Variants in ELFN2 observed in about 807,000 individuals in gnomAD.
The protein encoded by ELFN2 is protein phosphatase 1 regulatory subunit 29.
In ELFN2, 17 loss-of-function variants were observed where a neutral mutation model predicts 45.5. That is an observed-to-expected ratio of 0.37 (90% CI 0.26 to 0.56). The LOEUF (loss-of-function observed/expected upper bound fraction) is 0.56. Ranked by LOEUF, ELFN2 falls within the 20% of genes least tolerant of loss-of-function variation. The pLI is 0.77. For synonymous variants in ELFN2, 550 were observed against 551.5 expected (o/e 1.00, Z 0.04); for missense variants, 922 against 1,183.2 (o/e 0.78, Z 3.24).
At chr22:37,348,793 G>A (rs529344704) in intron 1 of ELFN2, among the ~76,000 whole-genome samples, 1 of 150,736 alleles carries the variant, frequency 6.6e-6, no homozygotes, top group South Asian at 2.1e-4. Flanking sequence ...GAGAGGACAT[G>A]GAGGTCAGCC....
At chr22:37,359,831 G>A (rs551251276) in intron 1 of ELFN2, among the ~76,000 whole-genome samples, 122 of 152,300 alleles carry the variant, frequency 8.0e-4, no homozygotes, top group African/African-American at 2.7e-3. Flanking sequence ...AGGTGATAGT[G>A]TTACAGCTCT....
chr22:37,383,347 C>T (rs1047130047), intron 2 of ELFN2, among the ~76,000 whole-genome samples: 3 of 152,238 alleles, frequency 2.0e-5, no homozygotes, highest in Non-Finnish European at 4.4e-5. Flanking sequence ...CCCTGGTGCC[C>T]TCACAAGGTC....
intron 2 of ELFN2, among the ~76,000 whole-genome samples, chr22:37,409,769 G>A (rs1246153528): frequency 2.6e-5 from 4 of 152,174 alleles, no homozygotes; most frequent in Non-Finnish European, 5.9e-5. Context: ...CCCAGGTCCC[G>A]CCGCACCCCT....
chr22:37,395,696 T>G (rs1394512957), intron 2 of ELFN2, among the ~76,000 whole-genome samples: 2 of 152,168 alleles, frequency 1.3e-5, no homozygotes, highest in East Asian at 3.8e-4. Context: ...CTGGGGGTCC[T>G]GTCAGCACTG....
At chr22:37,385,636 AG>A (rs1370238190) in intron 2 of ELFN2, among the ~76,000 whole-genome samples, 2 of 152,178 alleles carry the variant, frequency 1.3e-5, no homozygotes, top group Non-Finnish European at 2.9e-5. Flanking sequence ...GCCAGCAACA[AG>A]GGGGGAACCC....
chr22:37,383,615 G>A (rs1376627461), intron 2 of ELFN2, among the ~76,000 whole-genome samples: 1 of 152,258 alleles, frequency 6.6e-6, no homozygotes, highest in African/African-American at 2.4e-5. Context: ...CCTGCCTGCA[G>A]TTCAGCCCTG....
intron 2 of ELFN2, among the ~76,000 whole-genome samples, chr22:37,376,401 CTA>C (rs1931588114): frequency 8.5e-6 from 1 of 117,852 alleles, no homozygotes; most frequent in Non-Finnish European, 1.8e-5. Flanking sequence ...ACGCAGACAG[CTA>C]CACACACACA....
At position 37,375,292 on chromosome 22, in the gene ELFN2, G is replaced by A. The variant is rs1205025935; in HGVS notation, c.243C>T (p.Leu81=). ...CGTTCTTGGTGAGGTTGAGGTCGGT[G>A]AGGTTCCCAAAGCGGTTGAGCGAGG... ...LYSSLNRFGN[L]TDLNLTKNEI... Residue 81 remains leucine, a synonymous_variant, in exon 3 of 3, where the codon CTC becomes CTT. Transcript: ENST00000402918. 2 of 1,614,174 alleles carry A rather than the reference G, an allele frequency of 1.2e-6. No homozygotes were observed. Among genetic ancestry groups the A allele is most frequent in the Non-Finnish European group, 1.7e-6 (2 of 1,180,032 alleles).
At chr22:37,343,517 C>T (rs989198039) in intron 1 of ELFN2, among the ~76,000 whole-genome samples, 7 of 152,228 alleles carry the variant, frequency 4.6e-5, no homozygotes, top group South Asian at 2.1e-4. Context: ...GCTCCACTGT[C>T]GGTTTCACGC....
intron 2 of ELFN2, among the ~76,000 whole-genome samples, chr22:37,386,805 G>A (rs986149051): frequency 3.3e-5 from 5 of 152,198 alleles, no homozygotes; most frequent in African/African-American, 9.7e-5. Flanking sequence ...CACCAAGACC[G>A]GCCCTCCCTA....
chr22:37,387,318 A>G (rs1179887558), intron 2 of ELFN2, among the ~76,000 whole-genome samples: 1 of 152,136 alleles, frequency 6.6e-6, no homozygotes, highest in Non-Finnish European at 1.5e-5. Context: ...TCAGCGTGAC[A>G]GCTGTGGTCC....
chr22:37,362,668 G>A (rs1931118651), intron 1 of ELFN2, among the ~76,000 whole-genome samples: 2 of 152,174 alleles, frequency 1.3e-5, no homozygotes, highest in Admixed American at 1.3e-4. Context: ...CAGCTCTTCT[G>A]GGTATGCTGT....
intron 1 of ELFN2, among the ~76,000 whole-genome samples, chr22:37,349,835 G>A (rs1028338148): frequency 1.3e-5 from 2 of 151,182 alleles, no homozygotes; most frequent in Admixed American, 6.6e-5. Flanking sequence ...TGAAACTTGT[G>A]TCAGAGAGAG....
At chr22:37,383,786 A>C (rs140026952) in intron 2 of ELFN2, among the ~76,000 whole-genome samples, 235 of 152,364 alleles carry the variant, frequency 1.5e-3, no homozygotes, top group African/African-American at 5.3e-3. Context: ...GCTTAACAAG[A>C]ACCACACAGC....
At chr22:37,398,952 T>C (rs906372851) in intron 2 of ELFN2, among the ~76,000 whole-genome samples, 19 of 151,954 alleles carry the variant, frequency 1.3e-4, no homozygotes, top group Admixed American at 3.3e-4. Context: ...TACCAGCTCC[T>C]TCCTGGAACA....
rs1040954661 is a variant in ELFN2 at position 37,375,774 on chromosome 22, G to A, written c.-240C>T. The A allele has an allele frequency of 2.8e-5, 16 of 565,028 alleles. No individual in the cohort carries two copies. Among genetic ancestry groups the A allele is most frequent in the South Asian group, 4.7e-5 (2 of 42,268 alleles). The allele number at this position is 565,028 out of a possible 1,614,324, so 35.0% of individuals were successfully genotyped here. ...GGGGCCCCACAGCCTGCTCCCCACC[G>A]CAGCGTTGCTCCTTGTCTCCTGCTA... On this transcript the variant is annotated 5_prime_UTR_variant, in exon 3 of 3. Transcript: ENST00000402918.
chr22:37,380,188 G>T (rs1931712203), intron 2 of ELFN2, among the ~76,000 whole-genome samples: 1 of 152,232 alleles, frequency 6.6e-6, no homozygotes, highest in Non-Finnish European at 1.5e-5. Flanking sequence ...TGTGGGAGGG[G>T]TTGAGGGGGG....
intron 1 of ELFN2, among the ~76,000 whole-genome samples, chr22:37,344,872 C>A (rs1930658039): frequency 6.6e-6 from 1 of 152,178 alleles, no homozygotes; most frequent in Admixed American, 6.5e-5. Context: ...GGGCGAGCTC[C>A]CCCAATGGGC....
chr22:37,349,321 A>G (rs1930769837), intron 1 of ELFN2, among the ~76,000 whole-genome samples: 2 of 151,146 alleles, frequency 1.3e-5, no homozygotes, highest in Non-Finnish European at 3.0e-5. Flanking sequence ...AGGGGCAGGT[A>G]GAAGAGAGGC....
Sources: gnomAD v4.1 joint callset for allele counts (sites outside exome capture counted in the v4.1 genomes callset) on GRCh38, gnomAD v4.1.1 for gene constraint, MANE v1.5 for transcripts, NCBI Gene and HGNC (gene_info 2026-07-23, HGNC 2026-07-21) for gene names.